MROH2B: variants seen among roughly 807,000 people sequenced by gnomAD.
The protein encoded by MROH2B is maestro heat like repeat family member 2B.
Under a neutral mutation model 208.6 loss-of-function variants are expected in MROH2B, and 177 were observed. The observed-to-expected ratio is 0.85, with a 90% confidence interval of 0.75 to 0.96. The LOEUF is 0.96. Ranked by LOEUF, MROH2B falls within the 40% of genes least tolerant of loss-of-function variation. The pLI is 0.00. For synonymous variants in MROH2B, 728 were observed against 659.0 expected (o/e 1.10, Z -1.60); for missense variants, 2,002 against 1,878.7 (o/e 1.07, Z -1.21).
rs767027464 is a variant in MROH2B, at chr5:41,008,653, C to T, written c.3561G>A (p.Arg1187=). ...KMLTCPWSHR[R]HVMQQGEQQQ... is the part of the protein sequence containing the mutation. Reference sequence around the variant, plus strand: ...GCTGTTCTCCCTGCTGCATCACATGCCGCCTATGGCTCCAGGGACAAGTGA... The same window carrying T: ...GCTGTTCTCCCTGCTGCATCACATGTCGCCTATGGCTCCAGGGACAAGTGA... Residue 1187 remains arginine, a synonymous_variant, in exon 33 of 42, where the codon CGG becomes CGA. Transcript: ENST00000399564. 4.3e-6 allele frequency: 7 copies of T among 1,613,906 alleles called. No homozygotes were observed. The highest frequency in any genetic ancestry group is 5.1e-6 in the Non-Finnish European group (6 of 1,179,840).
intron 25 of MROH2B, 28 bp downstream of exon 25, chr5:41,018,855 A>G: frequency 6.2e-7 from 1 of 1,613,796 alleles, no homozygotes; most frequent in South Asian, 1.1e-5. Flanking sequence ...GCAGACTGTC[A>G]TCCTACTTAG....
Position 41,051,006 on chromosome 5 carries a change from G to A in MROH2B, c.1315C>T (p.Leu439=). ...RETSLEVLKT[L]DPLVIGMPQV... is the part of the protein sequence containing the mutation. ...GGCATTCCAATGACCAGTGGGTCCA[G>A]GGTTTTTAAGACCTCAAGGCTTGTT... Residue 439 remains leucine (L), a synonymous_variant, in exon 13 of 42, where the codon CTG becomes TTG. Transcript: ENST00000399564. The A allele has an allele frequency of 2.5e-6, 4 of 1,569,956 alleles. No homozygotes were observed. Among genetic ancestry groups the A allele is most frequent in the Non-Finnish European group, 3.4e-6 (4 of 1,163,038 alleles).
chr5:41,009,721 T>C (rs1002520888), intron 31 of MROH2B, among the ~76,000 whole-genome samples: 13 of 152,222 alleles, frequency 8.5e-5, no homozygotes, highest in Non-Finnish European at 2.9e-5. Context: ...AATATTATTA[T>C]GCAATACATA....
chr5:41,012,628 C>A lies in MROH2B; in HGVS notation c.3090G>T (p.Trp1030Cys), dbSNP rs1741809619. The change falls in exon 30 of 42, where the codon TGG becomes TGT. Residue 1030 changes from tryptophan (W) to cysteine (C), a missense_variant. Physicochemically the swap from Trp to Cys is radical, Grantham distance 215. Transcript: ENST00000399564. ...NPTCTKACGIWMITVLKQQGA... is the reference protein window; with the variant it reads ...NPTCTKACGICMITVLKQQGA... ...CCTGCTGCTTCAGGACAGTGATCAT[C>A]CATATGCCACAGGCCTTTGTACAAG... 1 of 1,613,812 alleles carries A rather than the reference C, an allele frequency of 6.2e-7. No homozygotes were observed. Among genetic ancestry groups the A allele is most frequent in the Non-Finnish European group, 8.5e-7 (1 of 1,179,754 alleles).
intron 34 of MROH2B, among the ~76,000 whole-genome samples, chr5:41,006,751 T>C (rs1322016744): frequency 1.3e-5 from 2 of 152,162 alleles, no homozygotes; most frequent in Admixed American, 6.5e-5. Context: ...AACCAAACAT[T>C]GTATGTTCTG....
At chr5:41,054,525 T>C (rs1743384719) in intron 11 of MROH2B, among the ~76,000 whole-genome samples, 1 of 152,236 alleles carries the variant, frequency 6.6e-6, no homozygotes, top group African/African-American at 2.4e-5. Flanking sequence ...ACTGATTTCC[T>C]GCAATTATTT....
chr5:41,029,864 C>T (rs1269792816), intron 24 of MROH2B, among the ~76,000 whole-genome samples: 4 of 152,010 alleles, frequency 2.6e-5, no homozygotes, highest in South Asian at 4.1e-4. Context: ...GTACTATGCT[C>T]ACTACCTGGG....
intron 20 of MROH2B, 77 bp from the exon 21 acceptor site, chr5:41,038,965 T>G: frequency 7.4e-7 from 1 of 1,351,150 alleles, no homozygotes; most frequent in East Asian, 2.3e-5. Flanking sequence ...TTCCTAATCC[T>G]GTGGACCACT....
In MROH2B at chr5:40,998,089, A is replaced by T. The variant is rs868126835; in HGVS notation, c.4721T>A (p.Leu1574His). Residue 1574 changes from leucine (L) to histidine (H), a missense_variant, in exon 42 of 42, where the codon CTC becomes CAC. Coordinates refer to ENST00000399564, the MANE Select transcript of MROH2B (RefSeq NM_173489.5). ...GCTTGTCTCTTTACACCTTCTCAGG[A>T]GGGTTTGCAAAGCAGCCTCAGCTGC... ...QRAAEAALQT[L>H]LRRCKETSIP... is the part of the protein sequence containing the mutation. 1 of 1,612,452 alleles carries T rather than the reference A, an allele frequency of 6.2e-7. No individual in the cohort carries two copies. Among genetic ancestry groups the T allele is most frequent in the South Asian group, 1.1e-5 (1 of 91,014 alleles).
chr5:41,028,386 T>C (rs1394810321), intron 24 of MROH2B, among the ~76,000 whole-genome samples: 3 of 152,200 alleles, frequency 2.0e-5, no homozygotes, highest in Non-Finnish European at 2.9e-5. Context: ...TCCTAGGTTG[T>C]ACATTATTAA....
intron 18 of MROH2B, among the ~76,000 whole-genome samples, chr5:41,044,459 C>T (rs973341001): frequency 6.6e-6 from 1 of 152,042 alleles, no homozygotes; most frequent in East Asian, 1.9e-4. Context: ...TACTCTTGTT[C>T]GGTGTAAGGC....
Position 41,071,001 on chromosome 5 carries a change from C to A in MROH2B, c.-149G>T. The A allele has an allele frequency of 1.4e-6, 1 of 715,572 alleles. No homozygotes were observed. The allele number at this position is 715,572 out of a possible 1,614,324, so 44.3% of individuals were successfully genotyped here. On this transcript the variant is annotated 5_prime_UTR_variant, in exon 1 of 42. Coordinates refer to ENST00000399564, the MANE Select transcript of MROH2B (RefSeq NM_173489.5). ...AAGTGCCTCCTCCACTTGATTGGCA[C>A]AATGGTCTGGGAGCTTCCAGAGATG...
intron 17 of MROH2B, among the ~76,000 whole-genome samples, chr5:41,046,372 C>T (rs189630028): frequency 6.6e-6 from 1 of 152,098 alleles, no homozygotes; most frequent in Admixed American, 6.5e-5. Flanking sequence ...TTACTGATAC[C>T]TATGAGACAG....
chr5:41,033,472 T>C (rs1742644207), intron 22 of MROH2B, among the ~76,000 whole-genome samples: 1 of 152,156 alleles, frequency 6.6e-6, no homozygotes, highest in Admixed American at 6.6e-5. Flanking sequence ...ATGTTTAATA[T>C]ATAACAGAAA....
At chr5:41,014,678 C>T (rs980580306) in intron 29 of MROH2B, among the ~76,000 whole-genome samples, 1 of 152,202 alleles carries the variant, frequency 6.6e-6, no homozygotes, top group African/African-American at 2.4e-5. Context: ...ATCTCATTAA[C>T]CCCTCTTTCT....
In MROH2B at chr5:41,018,778, A is replaced by G. The variant is rs776656629; in HGVS notation, c.2586T>C (p.Tyr862=). 3 of 1,613,906 alleles carry G rather than the reference A, an allele frequency of 1.9e-6. No individual in the cohort carries two copies. The highest frequency in any genetic ancestry group is 4.5e-5 in the East Asian group (2 of 44,876). Residue 862 remains tyrosine (Y), a synonymous_variant, in exon 26 of 42, where the codon TAT becomes TAC. Transcript: ENST00000399564. The part of the protein sequence containing the change: ...DKDKEHIQFL[Y]ERSMDALGKL... ...TTCCTAGGGCGTCCATGGATCGTTC[A>G]TAGAGAAACTGAAATCAAATATGTG...
chr5:41,061,896 C>T (rs1482416149), intron 5 of MROH2B, among the ~76,000 whole-genome samples, 172 bp from the exon 6 acceptor site: 7 of 152,130 alleles, frequency 4.6e-5, no homozygotes, highest in Non-Finnish European at 1.0e-4. Context: ...AAGTGAAATG[C>T]AAATTAAAAG....
chr5:41,013,841 C>T (rs1741851068), intron 29 of MROH2B, among the ~76,000 whole-genome samples: 1 of 152,220 alleles, frequency 6.6e-6, no homozygotes, highest in South Asian at 2.1e-4. Context: ...AATGGCTTCT[C>T]TGTCATTTGC....
Position 41,045,847 on chromosome 5 carries a change from T to C in MROH2B, c.1735A>G (p.Lys579Glu), listed in dbSNP as rs748796129. The C allele has an allele frequency of 6.2e-7, 1 of 1,611,376 alleles. No homozygotes were observed. Among genetic ancestry groups the C allele is most frequent in the East Asian group, 2.2e-5 (1 of 44,826 alleles). ...TCACTGATCTTCCATAAGGATTCTT[T>C]GAGCAACTGTTGTAGGAAGTGGAAG... ...LWETMLLQLL[K>E]ESLWKISDVA... Residue 579 changes from lysine (K) to glutamate (E), a missense_variant, in exon 18 of 42, where the codon AAA becomes GAA. Transcript: ENST00000399564.
Sources: gnomAD v4.1 joint callset for allele counts (sites outside exome capture counted in the v4.1 genomes callset) on GRCh38, gnomAD v4.1.1 for gene constraint, MANE v1.5 for transcripts, NCBI Gene and HGNC (gene_info 2026-07-23, HGNC 2026-07-21) for gene names.